CCPG1: variants seen among roughly 807,000 people sequenced by gnomAD.
CCPG1 encodes the protein cell cycle progression protein 1.
CCPG1 carries 46 observed loss-of-function variants against 81.3 expected under a neutral mutation model. The ratio of observed to expected loss-of-function variants is 0.57; its 90% CI spans 0.45 to 0.72. The LOEUF (loss-of-function observed/expected upper bound fraction) is 0.72. Ranked by LOEUF, CCPG1 falls within the 30% of genes least tolerant of loss-of-function variation. CCPG1 has a pLI of 0.00. For missense variants in CCPG1, 902 were observed against 937.6 expected, an observed-to-expected ratio of 0.96 and a Z score of 0.50; for synonymous variants, 330 against 305.2, an observed-to-expected ratio of 1.08 and a Z score of -0.85.
intron 8 of CCPG1, 73 bp downstream of exon 8, chr15:55,359,466 C>T: frequency 1.3e-6 from 2 of 1,507,940 alleles, no homozygotes; most frequent in Non-Finnish European, 1.8e-6. Flanking sequence ...AGAAACTCAT[C>T]AAATCATAAA....
intron 3 of CCPG1, among the ~76,000 whole-genome samples, chr15:55,380,288 G>GTTTTTTTTTTTT (rs57160266): frequency 7.0e-6 from 1 of 142,268 alleles, no homozygotes; most frequent in African/African-American, 2.6e-5. Flanking sequence ...ATTTCTTTTT[G>GTTTTTTTTTTTT]TTTTTTTTTT....
At chr15:55,373,473 A>G (rs564584602) in intron 5 of CCPG1, among the ~76,000 whole-genome samples, 47 of 152,322 alleles carry the variant, frequency 3.1e-4, no homozygotes, top group African/African-American at 1.1e-3. Flanking sequence ...CACACTTACA[A>G]CAATAAACAC....
At chr15:55,359,334 G>T in intron 8 of CCPG1, 1 of 1,276,762 alleles carries the variant, frequency 7.8e-7, no homozygotes, top group Non-Finnish European at 9.9e-7. Context: ...AAGTCAAAGT[G>T]ATCACGTTAT....
At chr15:55,356,752 A>C in intron 8 of CCPG1, 1 of 1,025,280 alleles carries the variant, frequency 9.8e-7, no homozygotes. Context: ...TTTATCACTC[A>C]GCAGAAATAC....
rs1446666448 is a variant in CCPG1 at position 55,355,788 on chromosome 15, A to G, written c.*432T>C. 1 of 221,614 alleles carries G rather than the reference A, an allele frequency of 4.5e-6. No homozygotes were observed. The highest frequency in any genetic ancestry group is 8.7e-6 in the Non-Finnish European group (1 of 114,724). The allele number at this position is 221,614 out of a possible 1,614,324, so 13.7% of individuals were successfully genotyped here. The stretch of plus-strand genomic sequence containing the variant: ...TGAACCCACAAAAAGACAAGAAGTG[A>G]GTGTAAGATTATAAAATGTTAATGA... On this transcript the variant is annotated 3_prime_UTR_variant, in exon 9 of 9. Transcript: ENST00000442196.
chr15:55,391,897 G>GGT (rs967534148), intron 1 of CCPG1, among the ~76,000 whole-genome samples: 1 of 130,306 alleles, frequency 7.7e-6, no homozygotes, highest in African/African-American at 2.7e-5. Context: ...AGGGGGGGGG[G>GGT]GGCTAGGTGT....
In CCPG1 at chr15:55,360,604, C is replaced by T. The variant is rs1400412464; in HGVS notation, c.1169G>A (p.Arg390Gln). The T allele has an allele frequency of 2.5e-6, 4 of 1,614,010 alleles. No homozygotes were observed. The highest frequency in any genetic ancestry group is 1.1e-5 in the South Asian group (1 of 91,072). ...CCCCCTTAAAGCCGTAGTTACTAGT[C>T]GTTCTCTCTCCAGTTCTCTCTTTAG... ...KMLKRELERE[R>Q]LVTTALRGEL... Residue 390 changes from arginine (R) to glutamine (Q), a missense_variant, in exon 8 of 9, where the codon CGA (arginine) becomes CAA (glutamine). Around this residue, in one of 3 missense-constraint regions of CCPG1, gnomAD observed 746 missense variants for 728.6 expected, o/e 1.02. Coordinates refer to ENST00000442196, the MANE Select transcript of CCPG1 (RefSeq NM_001204450.2).
At chr15:55,395,700 C>T (rs887234560) in intron 1 of CCPG1, among the ~76,000 whole-genome samples, 2 of 152,060 alleles carry the variant, frequency 1.3e-5, no homozygotes, top group African/African-American at 4.8e-5. Flanking sequence ...TTATTTTCTG[C>T]ATCTGGCACT....
Position 55,356,394 on chromosome 15 carries a change from C to G in CCPG1, c.2250G>C (p.Lys750Asn). 6.5e-7 allele frequency: 1 copy of G among 1,530,420 alleles called. No individual in the cohort carries two copies. Among genetic ancestry groups the G allele is most frequent in the Non-Finnish European group, 8.7e-7 (1 of 1,145,536 alleles). 94.8% of individuals were successfully genotyped at this position (1,530,420 alleles called of 1,614,324 possible). Residue 750 changes from lysine (K) to asparagine (N), a missense_variant, in exon 9 of 9, where the codon AAG (lysine) becomes AAC (asparagine). By Grantham distance (94) the Lys-to-Asn change is moderately conservative. Around this residue, in one of 3 missense-constraint regions of CCPG1, gnomAD observed 128 missense variants for 161.2 expected, o/e 0.79. Coordinates refer to ENST00000442196, the MANE Select transcript of CCPG1 (RefSeq NM_001204450.2). Reference protein sequence around the residue: ...PPYGPSRPDKKQRMVNIENSR... With the variant: ...PPYGPSRPDKNQRMVNIENSR... ...AGTTTTCAATATTTACCATACGTTGCTTTTTATCAGGTCGACTGAAAGCAG... is the reference window on the plus strand; with the variant it reads ...AGTTTTCAATATTTACCATACGTTGGTTTTTATCAGGTCGACTGAAAGCAG...
chr15:55,389,498 A>C, intron 1 of CCPG1, 65 bp from the exon 2 acceptor site: 1 of 1,099,240 alleles, frequency 9.1e-7, no homozygotes, highest in Non-Finnish European at 1.4e-6. Context: ...GAAGCACTAT[A>C]TGTGACACTA....
chr15:55,358,690 T>A (rs1257076273), intron 8 of CCPG1: 2 of 985,322 alleles, frequency 2.0e-6, no homozygotes, highest in Non-Finnish European at 2.4e-6. Flanking sequence ...GAGGCCACCA[T>A]GCCCCATACC....
intron 6 of CCPG1, among the ~76,000 whole-genome samples, chr15:55,368,606 T>A (rs1172377677): frequency 1.3e-5 from 2 of 152,152 alleles, no homozygotes; most frequent in Non-Finnish European, 2.9e-5. Context: ...CACAAGCAAA[T>A]GTAAGAATAA....
chr15:55,374,006 T>A (rs1203626838), intron 5 of CCPG1: 3 of 315,546 alleles, frequency 9.5e-6, no homozygotes, highest in South Asian at 5.8e-5. Flanking sequence ...AGGCATGCAA[T>A]AAGCTTGGCC....
At chr15:55,385,085 T>C (rs1431215337) in intron 3 of CCPG1, among the ~76,000 whole-genome samples, 3 of 152,204 alleles carry the variant, frequency 2.0e-5, no homozygotes, top group Non-Finnish European at 4.4e-5. Flanking sequence ...CCCAAAAATA[T>C]ACTACAGCTG....
intron 1 of CCPG1, among the ~76,000 whole-genome samples, chr15:55,391,889 G>GAAA (rs1329634091): frequency 9.2e-6 from 1 of 108,988 alleles, no homozygotes; most frequent in African/African-American, 3.1e-5. Context: ...AAAAAAAAAG[G>GAAA]GGGGGGGGGG....
intron 1 of CCPG1, among the ~76,000 whole-genome samples, chr15:55,396,455 A>C (rs1257545214): frequency 6.6e-6 from 1 of 152,136 alleles, no homozygotes; most frequent in Non-Finnish European, 1.5e-5. Context: ...ATTGCTTTTG[A>C]TGTCCCCTTG....
At chr15:55,357,192 C>G (rs545256270) in intron 8 of CCPG1, 1 of 928,082 alleles carries the variant, frequency 1.1e-6, no homozygotes, top group South Asian at 5.0e-5. Context: ...TCCAATTACC[C>G]TTGCCCCAAA....
In CCPG1 at chr15:55,385,680, G is replaced by C; in HGVS notation, c.95C>G (p.Pro32Arg). 6.2e-7 allele frequency: 1 copy of C among 1,611,266 alleles called. No individual in the cohort carries two copies. The highest frequency in any genetic ancestry group is 8.5e-7 in the Non-Finnish European group (1 of 1,177,618). ...SDIEMLNSVT[P>R]TDSCEPAPEC... ...TGGGGCGGGCTCACAGCTGTCAGTG[G>C]GGGTCACAGAATTCAACATTTCTAT... The change falls in exon 3 of 9, where the codon CCC becomes CGC. Residue 32 changes from proline to arginine, a missense_variant. Pro to Arg is a moderately radical substitution (Grantham distance 103). Around this residue, in one of 3 missense-constraint regions of CCPG1, gnomAD observed 28 missense variants for 47.8 expected, o/e 0.59. Transcript: ENST00000442196.
chr15:55,355,574 A>G lies in CCPG1; in HGVS notation c.*646T>C, dbSNP rs2056062482. Reference sequence around the variant, plus strand: ...CCAAATATCACTACTGAGGAAATGTATAAAATACCACATAGTATAAAATTA... The same window carrying G: ...CCAAATATCACTACTGAGGAAATGTGTAAAATACCACATAGTATAAAATTA... On this transcript the variant is annotated 3_prime_UTR_variant, in exon 9 of 9. Transcript: ENST00000442196. 1 of 593,252 alleles carries G rather than the reference A, an allele frequency of 1.7e-6. No homozygotes were observed. The highest frequency in any genetic ancestry group is 2.8e-5 in the East Asian group (1 of 36,296). 36.7% of individuals were successfully genotyped at this position (593,252 alleles called of 1,614,324 possible).
Sources: gnomAD v4.1 joint callset for allele counts (sites outside exome capture counted in the v4.1 genomes callset) on GRCh38, gnomAD v4.1.1 for gene constraint, gnomAD v4.1.1 regional missense constraint, MANE v1.5 for transcripts, NCBI Gene and HGNC (gene_info 2026-07-23, HGNC 2026-07-21) for gene names.